The following SYNE1 variants were observed in gnomAD, a reference collection of about 807,000 sequenced individuals.
The protein encoded by SYNE1 is nesprin-1.
In SYNE1, 616 loss-of-function variants were observed where a neutral mutation model predicts 1,111.0. That is an observed-to-expected ratio of 0.55 (90% confidence interval 0.52 to 0.59). SYNE1 has a LOEUF of 0.59. SYNE1 is among the 20% of genes least tolerant of loss of function. The probability of loss-of-function intolerance (pLI) is 0.00; values close to 1 mark genes in which losing one functional copy is unlikely to be tolerated. For missense variants in SYNE1, 10,006 were observed against 10,417.0 expected (o/e 0.96, Z 1.72); for synonymous variants, 3,855 against 3,825.8 (o/e 1.01, Z -0.28).
At position 152,488,385 on chromosome 6, in the gene SYNE1, C is replaced by T; in HGVS notation, c.1047+11G>A. On this transcript the variant is annotated intron_variant, in intron 12 of 145. Coordinates refer to ENST00000367255, the MANE Select transcript of SYNE1 (RefSeq NM_182961.4). ...CTTTTGAAAAATTCAAAAATCTTCT[C>T]CATACAATACCTGATATTTATCCTG... 1 of 1,463,064 alleles carries T rather than the reference C, an allele frequency of 6.8e-7. No individual in the cohort carries two copies. Among genetic ancestry groups the T allele is most frequent in the Non-Finnish European group, 9.6e-7 (1 of 1,047,094 alleles). 90.6% of individuals were successfully genotyped at this position (1,463,064 alleles called of 1,614,324 possible).
chr6:152,224,823 T>C (rs1588182176), intron 116 of SYNE1, among the ~76,000 whole-genome samples, 159 bp from the exon 117 acceptor site: 1 of 150,938 alleles, frequency 6.6e-6, no homozygotes. Context: ...AAAGGTAAAA[T>C]GTATCAACTT....
intron 3 of SYNE1, among the ~76,000 whole-genome samples, chr6:152,550,270 G>GA (rs34173651): frequency 0.22 from 33,241 of 152,022 alleles, 3,746 homozygotes; most frequent in Middle Eastern, 0.32. Context: ...CATGTGGTGG[G>GA]AAGGTATAAG....
chr6:152,605,290 T>A (rs940594273), intron 3 of SYNE1, among the ~76,000 whole-genome samples: 2 of 152,156 alleles, frequency 1.3e-5, no homozygotes, highest in African/African-American at 4.8e-5. Context: ...AAATCTTGTA[T>A]CTTCCAGGCA....
At chr6:152,149,151 A>G (rs1446025213) in intron 136 of SYNE1, among the ~76,000 whole-genome samples, 1 of 152,152 alleles carries the variant, frequency 6.6e-6, no homozygotes, top group African/African-American at 2.4e-5. Context: ...CGATCAAAAG[A>G]TTCTTATTTA....
In SYNE1 at chr6:152,439,339, T is replaced by A. The variant is rs185315473; in HGVS notation, c.4149+1791A>T. ...AGAAACATTTAGGAAATTAACCCAA[T>A]AAACATCTTTGTATTTATAAAAGGC... is the stretch of plus-strand genomic sequence containing the variant. On this transcript the variant is annotated intron_variant, in intron 32 of 145. Transcript: ENST00000367255. Among the ~76,000 whole-genome samples the A allele has an allele frequency of 1.1e-3, 165 of 152,286 alleles. 4 individuals are homozygous for A. Among genetic ancestry groups the A allele is most frequent in the African/African-American group, 3.7e-3 (153 of 41,564 alleles).
At chr6:152,230,979 T>C (rs906722475) in intron 114 of SYNE1, among the ~76,000 whole-genome samples, 10 of 152,112 alleles carry the variant, frequency 6.6e-5, no homozygotes, top group Non-Finnish European at 1.0e-4. Context: ...CTCATAATGT[T>C]TTAAGAAAGT....
chr6:152,278,704 G>A (rs1208664353), intron 97 of SYNE1, among the ~76,000 whole-genome samples: 3 of 151,954 alleles, frequency 2.0e-5, no homozygotes, highest in Non-Finnish European at 2.9e-5. Context: ...CTCATGATCC[G>A]CCCACCTCGG....
intron 91 of SYNE1, among the ~76,000 whole-genome samples, chr6:152,303,447 G>T (rs1444159940): frequency 6.7e-6 from 1 of 149,612 alleles, no homozygotes; most frequent in African/African-American, 2.4e-5. Context: ...ATATTAAATT[G>T]TAATGTCTTT....
intron 3 of SYNE1, among the ~76,000 whole-genome samples, chr6:152,577,780 G>T (rs992559182): frequency 1.4e-5 from 2 of 147,050 alleles, no homozygotes; most frequent in Admixed American, 6.8e-5. Context: ...TTTCTGTTTT[G>T]TTTTTTTTTT....
chr6:152,397,958 G>A (rs1413191811), intron 49 of SYNE1, among the ~76,000 whole-genome samples: 3 of 150,234 alleles, frequency 2.0e-5, no homozygotes, highest in Non-Finnish European at 1.5e-5. Flanking sequence ...CTGAAATCAT[G>A]CCACTGCACT....
At position 152,416,709 on chromosome 6, in the gene SYNE1, T is replaced by G. The variant is rs1459660658; in HGVS notation, c.5728A>C (p.Asn1910His). ...NESDLIEKDL[N>H]DALQNAKALE... ...GCTTTAGCATTTTGAAGAGCATCAT[T>G]GAGGTCCTTTTCTATCAAATCAGAC... is the stretch of plus-strand genomic sequence containing the variant. Residue 1910 changes from asparagine (N) to histidine (H), a missense_variant, in exon 41 of 146, where the codon AAT becomes CAT. By Grantham distance (68) the Asn-to-His change is moderately conservative. Coordinates refer to ENST00000367255, the MANE Select transcript of SYNE1 (RefSeq NM_182961.4). 4 of 1,614,230 alleles carry G rather than the reference T, an allele frequency of 2.5e-6. No individual in the cohort carries two copies. Among genetic ancestry groups the G allele is most frequent in the Non-Finnish European group, 3.4e-6 (4 of 1,180,036 alleles).
At chr6:152,341,847 C>A (rs1365503131) in intron 74 of SYNE1, among the ~76,000 whole-genome samples, 1 of 152,170 alleles carries the variant, frequency 6.6e-6, no homozygotes, top group African/African-American at 2.4e-5. Flanking sequence ...TATTGAAGGA[C>A]ATGACATTAT....
intron 3 of SYNE1, among the ~76,000 whole-genome samples, chr6:152,627,592 G>T (rs796992885): frequency 6.6e-6 from 1 of 152,130 alleles, no homozygotes; most frequent in African/African-American, 2.4e-5. Flanking sequence ...GGGAGATGGA[G>T]GTTGGAGTGA....
At chr6:152,528,168 C>A (rs995662677) in intron 4 of SYNE1, among the ~76,000 whole-genome samples, 1 of 152,164 alleles carries the variant, frequency 6.6e-6, no homozygotes, top group African/African-American at 2.4e-5. Flanking sequence ...ACCACTCAAT[C>A]CTGAGTCCTT....
chr6:152,331,881 T>C lies in SYNE1; in HGVS notation c.12804A>G (p.Ala4268=). 6.2e-7 allele frequency: 1 copy of C among 1,611,924 alleles called. No homozygotes were observed. The highest frequency in any genetic ancestry group is 2.2e-5 in the East Asian group (1 of 44,888). ...TEWDNLARSD[A]ESTAVHLEAL... ...CTTCCAGGTGGACAGCTGTACTCTCTGCATCAGATCTGAAAATACATGGAA... is the reference window on the plus strand; with the variant it reads ...CTTCCAGGTGGACAGCTGTACTCTCCGCATCAGATCTGAAAATACATGGAA... Residue 4268 remains alanine (A), a synonymous_variant, in exon 78 of 146, where the codon GCA becomes GCG. Transcript: ENST00000367255.
chr6:152,454,316 G>A (rs1003338463), intron 24 of SYNE1, among the ~76,000 whole-genome samples: 6 of 152,192 alleles, frequency 3.9e-5, no homozygotes, highest in African/African-American at 1.4e-4. Flanking sequence ...AACTTTGGAA[G>A]GTGGTTAGGT....
chr6:152,241,500 C>CTGTGTGTGTGTGTGTGTGTGTGTGTG (rs1231628952), intron 107 of SYNE1, among the ~76,000 whole-genome samples: 32 of 74,172 alleles, frequency 4.3e-4, no homozygotes, highest in Middle Eastern at 4.7e-3. Context: ...AATGCAAGAG[C>CTGTGTGTGTGTGTGTGTGTGTGTGTG]TGTGTGTGTG....
chr6:152,160,589 T>C (rs1649912622), intron 131 of SYNE1, among the ~76,000 whole-genome samples: 1 of 152,204 alleles, frequency 6.6e-6, no homozygotes, highest in Non-Finnish European at 1.5e-5. Context: ...GTAGCCTGTG[T>C]AGCAAGTATG....
At chr6:152,363,313 T>A (rs1204818790) in intron 63 of SYNE1, among the ~76,000 whole-genome samples, 5 of 147,930 alleles carry the variant, frequency 3.4e-5, no homozygotes, top group African/African-American at 9.8e-5. Flanking sequence ...GCTAACACAG[T>A]GAAACCCCGT....
Sources: gnomAD v4.1 joint callset for allele counts (sites outside exome capture counted in the v4.1 genomes callset) on GRCh38, gnomAD v4.1.1 for gene constraint, MANE v1.5 for transcripts, NCBI Gene and HGNC (gene_info 2026-07-23, HGNC 2026-07-21) for gene names.